The following BTBD8 variants were observed in gnomAD, a reference collection of about 807,000 sequenced individuals.
The protein encoded by BTBD8 is BTB/POZ domain-containing protein 8.
BTBD8 carries 110 observed loss-of-function variants against 162.9 expected under a neutral mutation model. The observed-to-expected ratio is 0.68, with a 90% confidence interval of 0.58 to 0.79. The LOEUF is 0.79. BTBD8 is among the 30% of genes least tolerant of loss of function. BTBD8 has a pLI of 0.00. For synonymous variants in BTBD8, 667 were observed against 716.1 expected (o/e 0.93, Z 1.10); for missense variants, 1,905 against 2,085.4 (o/e 0.91, Z 1.68).
intron 12 of BTBD8, 135 bp downstream of exon 12, chr1:92,169,130 C>G: frequency 1.2e-6 from 1 of 819,486 alleles, no homozygotes; most frequent in South Asian, 2.9e-5. Context: ...GAAACTGGTG[C>G]TCATATGTTT....
intron 7 of BTBD8, among the ~76,000 whole-genome samples, chr1:92,145,912 C>T (rs1296462247): frequency 2.0e-5 from 3 of 151,484 alleles, no homozygotes; most frequent in Non-Finnish European, 1.5e-5. Context: ...ACCCAGGAGG[C>T]GGAGATTGCA....
rs546039472 is a variant in BTBD8 at position 92,184,128 on chromosome 1, A to G, written c.5177A>G (p.Gln1726Arg). The change falls in exon 18 of 18, where the codon CAG becomes CGG. Residue 1726 changes from glutamine (Q) to arginine (R), a missense_variant. Physicochemically the swap from Gln to Arg is conservative, Grantham distance 43. Transcript: ENST00000636805. ...NSVPEDLSLA[Q>R]YLINQTLLLA... ...GTTCCTGAAGACTTAAGTTTAGCACAGTATCTAATCAATCAGACACTACTT... is the reference window on the plus strand; with the variant it reads ...GTTCCTGAAGACTTAAGTTTAGCACGGTATCTAATCAATCAGACACTACTT... The G allele has an allele frequency of 1.9e-5, 30 of 1,551,682 alleles. No homozygotes were observed. The highest frequency in any genetic ancestry group is 2.4e-5 in the East Asian group (1 of 40,914).
rs1239423701 is a variant in BTBD8 at position 92,180,794 on chromosome 1, A to G, written c.3111A>G (p.Ser1037=). Residue 1037 remains serine, a synonymous_variant, in exon 17 of 18, where the codon TCA becomes TCG. Coordinates refer to ENST00000636805, the MANE Select transcript of BTBD8 (RefSeq NM_001376131.1). ...AAAATATTTCAAAGCTGGATAAATC[A>G]TTAAAACACGAACTGGAATCAAAAC... The part of the protein sequence containing the change: ...ECQNISKLDK[S]LKHELESKQI... 20 of 1,551,558 alleles carry G rather than the reference A, an allele frequency of 1.3e-5. No individual in the cohort carries two copies. Among genetic ancestry groups the G allele is most frequent in the Non-Finnish European group, 1.7e-5 (19 of 1,146,990 alleles).
intron 9 of BTBD8, among the ~76,000 whole-genome samples, chr1:92,164,386 G>A (rs1021128283): frequency 3.9e-5 from 6 of 152,104 alleles, no homozygotes; most frequent in Admixed American, 1.3e-4. Context: ...GGGAGGCCAA[G>A]GCGGGTGGAT....
intron 4 of BTBD8, among the ~76,000 whole-genome samples, chr1:92,124,905 G>A (rs1649311736): frequency 6.6e-6 from 1 of 151,812 alleles, no homozygotes; most frequent in South Asian, 2.1e-4. Flanking sequence ...AGAATTGTAA[G>A]CTCTTTTTTT....
chr1:92,168,065 G>C, intron 11 of BTBD8, 80 bp downstream of exon 11: 2 of 1,312,638 alleles, frequency 1.5e-6, no homozygotes, highest in Non-Finnish European at 2.1e-6. Flanking sequence ...TTTAAATGTT[G>C]CAGGGTCATT....
At position 92,167,938 on chromosome 1, in the gene BTBD8, C is replaced by T. The variant is rs369486791; in HGVS notation, c.1396C>T (p.Leu466Phe). The T allele has an allele frequency of 4.5e-6, 7 of 1,550,834 alleles. No individual in the cohort carries two copies. The highest frequency in any genetic ancestry group is 4.1e-5 in the African/African-American group (3 of 73,042). Residue 466 changes from leucine (L) to phenylalanine (F), a missense_variant, in exon 11 of 18, where the codon CTT becomes TTT. Physicochemically the swap from Leu to Phe is conservative, Grantham distance 22 (BLOSUM62 0). Coordinates refer to ENST00000636805, the MANE Select transcript of BTBD8 (RefSeq NM_001376131.1). ...NITTENSCSLLMALDTLLNSD... is the reference protein window; with the variant it reads ...NITTENSCSLFMALDTLLNSD... ...CACCACTGAAAATAGCTGCTCTCTT[C>T]TTATGGCTCTGGACACACTGCTGAA...
At position 92,151,058 on chromosome 1, in the gene BTBD8, A is replaced by T. The variant is rs1454449203; in HGVS notation, c.1122+3272A>T. Among the ~76,000 whole-genome samples, 10 of 152,280 alleles carry T rather than the reference A, an allele frequency of 6.6e-5. No homozygotes were observed. The East Asian group carries it at 1.9e-3, about 29-fold the overall frequency. ...ATCAGCTGGTGAGATACCACTACAA[A>T]AAGTAAATGTAAGGCTAGGCATGGT... On this transcript the variant is annotated intron_variant, in intron 9 of 17. Coordinates refer to ENST00000636805, the MANE Select transcript of BTBD8 (RefSeq NM_001376131.1).
At chr1:92,162,468 A>G (rs77463240) in intron 9 of BTBD8, among the ~76,000 whole-genome samples, 2,157 of 152,308 alleles carry the variant, frequency 0.014, 59 homozygotes, top group African/African-American at 0.047. Flanking sequence ...CCCCAACAAG[A>G]TTGAGTCCCA....
chr1:92,095,931 A>G (rs1221429790), intron 2 of BTBD8, among the ~76,000 whole-genome samples: 1 of 151,762 alleles, frequency 6.6e-6, no homozygotes, highest in Non-Finnish European at 1.5e-5. Flanking sequence ...CTTCAACTCT[A>G]ATAATTCATT....
intron 12 of BTBD8, 58 bp downstream of exon 12, chr1:92,169,053 T>C: frequency 1.4e-6 from 2 of 1,419,812 alleles, no homozygotes; most frequent in African/African-American, 1.4e-5. Flanking sequence ...ACAGCAGATA[T>C]TTTGAGGGCA....
intron 4 of BTBD8, among the ~76,000 whole-genome samples, chr1:92,117,114 T>G (rs1043177115): frequency 1.3e-5 from 2 of 151,920 alleles, no homozygotes; most frequent in African/African-American, 4.9e-5. Context: ...CCTCCCAAAT[T>G]GCTGGGATTA....
intron 9 of BTBD8, among the ~76,000 whole-genome samples, chr1:92,150,306 A>G (rs1232248446): frequency 6.6e-6 from 1 of 152,004 alleles, no homozygotes; most frequent in East Asian, 1.9e-4. Context: ...AGCTATACAT[A>G]CATTTCAGAA....
chr1:92,177,430 C>A lies in BTBD8; in HGVS notation c.2237C>A (p.Pro746Gln). Residue 746 changes from proline to glutamine, a missense_variant, in exon 14 of 18, where the codon CCG (proline) becomes CAG (glutamine). Around this residue, in one of 3 missense-constraint regions of BTBD8, gnomAD observed 1,374 missense variants for 1,442.7 expected, o/e 0.95. Coordinates refer to ENST00000636805, the MANE Select transcript of BTBD8 (RefSeq NM_001376131.1). Reference protein sequence around the residue: ...FSISTECLDEPKENGSTEEEK... With the variant: ...FSISTECLDEQKENGSTEEEK... ...ATTTCCACTGAATGTCTGGATGAAC[C>A]GAAAGAAAATGGATCAACAGAAGAA... 1 of 1,551,530 alleles carries A rather than the reference C, an allele frequency of 6.4e-7. No homozygotes were observed. Among genetic ancestry groups the A allele is most frequent in the Non-Finnish European group, 8.7e-7 (1 of 1,146,910 alleles).
At chr1:92,116,256 G>C (rs1424486984) in intron 4 of BTBD8, among the ~76,000 whole-genome samples, 2 of 151,972 alleles carry the variant, frequency 1.3e-5, no homozygotes, top group African/African-American at 4.8e-5. Flanking sequence ...CGATGGCCCA[G>C]AATATGGTCT....
chr1:92,163,354 CAAAAAAAAAAAAAAA>C (rs34760395), intron 9 of BTBD8, among the ~76,000 whole-genome samples: 5 of 20,400 alleles, frequency 2.5e-4, no homozygotes, highest in Non-Finnish European at 2.5e-4. Flanking sequence ...GATTCTGTCT[CAAAAAAAAAAAAAAA>C]AAAAAAAAAA....
Position 92,080,442 on chromosome 1 carries a change from CAACCTTTTACCCTAGGG to C in BTBD8, c.-129_-113del. ...CTGTCTACAAACCGACGAGAGGCGT[CAACCTTTTACCCTAGGG>C]GGCGGATTTGGGTAGGAGCCGAGCG... On this transcript the variant is annotated 5_prime_UTR_variant, in exon 1 of 18. Coordinates refer to ENST00000636805, the MANE Select transcript of BTBD8 (RefSeq NM_001376131.1). The C allele has an allele frequency of 7.3e-7, 1 of 1,373,854 alleles. No homozygotes were observed. The highest frequency in any genetic ancestry group is 2.6e-5 in the East Asian group (1 of 38,646). 85.1% of individuals were successfully genotyped at this position (1,373,854 alleles called of 1,614,324 possible).
intron 4 of BTBD8, among the ~76,000 whole-genome samples, chr1:92,118,803 C>CTTTTTTTTTTTTTTTTTTTTTCTTT (rs386367658): frequency 1.0e-5 from 1 of 95,282 alleles, no homozygotes; most frequent in African/African-American, 4.7e-5. Context: ...TTCTTTCTTT[C>CTTTTTTTTTTTTTTTTTTTTTCTTT]TTTTTTTTTT....
At chr1:92,158,854 C>A (rs1006806822) in intron 9 of BTBD8, among the ~76,000 whole-genome samples, 2 of 152,292 alleles carry the variant, frequency 1.3e-5, no homozygotes, top group South Asian at 4.1e-4. Flanking sequence ...CAGCTCACTG[C>A]AGCCTTGACC....
Sources: allele counts gnomAD v4.1 joint callset (sites outside exome capture counted in the v4.1 genomes callset), GRCh38; gene constraint gnomAD v4.1.1; regional missense constraint gnomAD v4.1.1; transcripts MANE v1.5; gene names NCBI Gene and HGNC (gene_info 2026-07-23, HGNC 2026-07-21).